The following PAN3 variants were observed in gnomAD, a reference collection of about 807,000 sequenced individuals.
PAN3 encodes the protein poly(A) specific ribonuclease subunit PAN3.
A neutral mutation model predicts 96.2 loss-of-function variants in PAN3; 19 were observed. That is an observed-to-expected ratio of 0.20 (90% confidence interval 0.14 to 0.29). The LOEUF (loss-of-function observed/expected upper bound fraction) is 0.29. PAN3 is among the 10% of genes least tolerant of loss of function. The pLI is 1.00. For missense variants in PAN3, 882 were observed against 1,108.1 expected (o/e 0.80, Z 2.90); for synonymous variants, 433 against 406.6 (o/e 1.06, Z -0.78).
chr13:28,213,078 C>T (rs768631018), intron 5 of PAN3, among the ~76,000 whole-genome samples: 51 of 151,926 alleles, frequency 3.4e-4, no homozygotes, highest in Non-Finnish European at 6.5e-4. Context: ...ATTGGCTTTC[C>T]GTATCCATGG....
At chr13:28,242,161 T>C (rs1240793393) in intron 6 of PAN3, among the ~76,000 whole-genome samples, 2 of 152,218 alleles carry the variant, frequency 1.3e-5, no homozygotes, top group African/African-American at 4.8e-5. Context: ...GTGGGTTGTT[T>C]CATGTTTGCT....
intron 8 of PAN3, among the ~76,000 whole-genome samples, chr13:28,261,175 G>A (rs942589966): frequency 2.0e-5 from 3 of 152,126 alleles, no homozygotes; most frequent in Non-Finnish European, 4.4e-5. Context: ...CGTGTTTAAG[G>A]GGCACATCTA....
chr13:28,218,909 A>G (rs892736701), intron 5 of PAN3, among the ~76,000 whole-genome samples: 1 of 152,170 alleles, frequency 6.6e-6, no homozygotes, highest in Admixed American at 6.5e-5. Context: ...TTTTATCAAG[A>G]TATCAATGGC....
chr13:28,142,427 A>G (rs940544767), intron 1 of PAN3, among the ~76,000 whole-genome samples: 2 of 151,914 alleles, frequency 1.3e-5, no homozygotes, highest in African/African-American at 4.8e-5. Flanking sequence ...TTGACTTCTC[A>G]AAGTACTGGG....
At chr13:28,195,979 A>T (rs1360793310) in intron 4 of PAN3, among the ~76,000 whole-genome samples, 2 of 151,232 alleles carry the variant, frequency 1.3e-5, no homozygotes, top group African/African-American at 2.4e-5. Flanking sequence ...TTCTCTTTAT[A>T]CTAGAAAACA....
Position 28,220,265 on chromosome 13 carries a change from A to G in PAN3, c.887A>G (p.Lys296Arg). The change falls in exon 6 of 19, where the codon AAA (lysine) becomes AGA (arginine). Residue 296 changes from lysine to arginine, a missense_variant. By Grantham distance (26) the Lys-to-Arg change is conservative. This residue lies in a region of PAN3 where 442 missense variants were observed against 422.8 expected (regional missense o/e 1.05). Transcript: ENST00000380958. ...PNPTASEFIP[K>R]GGSTSRLSNV... ...CCTACTGCAAGCGAGTTTATTCCTA[A>G]AGGAGGATCAACCTCCAGGCTGAGT... 6.2e-7 allele frequency: 1 copy of G among 1,613,680 alleles called. No homozygotes were observed. The highest frequency in any genetic ancestry group is 1.1e-5 in the South Asian group (1 of 91,040).
chr13:28,254,889 A>G (rs1278636799), intron 6 of PAN3, among the ~76,000 whole-genome samples: 1 of 152,136 alleles, frequency 6.6e-6, no homozygotes, highest in Non-Finnish European at 1.5e-5. Flanking sequence ...CTTTGCATGT[A>G]TGTCCTGTGG....
intron 6 of PAN3, among the ~76,000 whole-genome samples, chr13:28,236,276 C>CT (rs1883102564): frequency 6.6e-6 from 1 of 152,102 alleles, no homozygotes; most frequent in South Asian, 2.1e-4. Context: ...TTCCAGTGAG[C>CT]TTTCATATAT....
rs1005775343 is a variant in PAN3, at chr13:28,293,155, C to T, written c.*633C>T. On this transcript the variant is annotated 3_prime_UTR_variant, in exon 19 of 19. Transcript: ENST00000380958. ...ACCAGTGAATTGTTGGATATGAATT[C>T]CCTGTTAGTTGATTTAAATCCTTTC... The T allele has an allele frequency of 6.6e-6, 1 of 152,074 alleles. No homozygotes were observed. Among genetic ancestry groups the T allele is most frequent in the Non-Finnish European group, 1.5e-5 (1 of 68,018 alleles). 9.4% of individuals were successfully genotyped at this position (152,074 alleles called of 1,614,324 possible).
intron 6 of PAN3, among the ~76,000 whole-genome samples, chr13:28,247,333 T>A (rs1053973545): frequency 3.9e-5 from 6 of 152,266 alleles, no homozygotes; most frequent in Admixed American, 3.9e-4. Context: ...ATACTAATCA[T>A]CAATTTCCCG....
chr13:28,194,651 G>A (rs1436906820), intron 4 of PAN3, among the ~76,000 whole-genome samples: 3 of 151,472 alleles, frequency 2.0e-5, no homozygotes, highest in Non-Finnish European at 4.4e-5. Flanking sequence ...TTGTATTTTA[G>A]TAGAGATGGT....
At chr13:28,205,325 C>G (rs747878939) in intron 5 of PAN3, among the ~76,000 whole-genome samples, 1 of 151,982 alleles carries the variant, frequency 6.6e-6, no homozygotes, top group African/African-American at 2.4e-5. Flanking sequence ...GCTGCAGTGG[C>G]CTTTCTGTAA....
intron 4 of PAN3, among the ~76,000 whole-genome samples, chr13:28,192,226 C>G (rs1205129780): frequency 7.2e-5 from 11 of 152,030 alleles, no homozygotes; most frequent in Admixed American, 2.0e-4. Context: ...CCTGCCACCA[C>G]ACCCAGCTAA....
At chr13:28,241,410 C>T (rs1458335510) in intron 6 of PAN3, among the ~76,000 whole-genome samples, 3 of 152,232 alleles carry the variant, frequency 2.0e-5, no homozygotes, top group Middle Eastern at 6.8e-3. Flanking sequence ...ACTTTAATTG[C>T]AATAGTAATT....
rs909825706 is a variant in PAN3, at chr13:28,292,668, G to A, written c.*146G>A. 3 of 644,166 alleles carry A rather than the reference G, an allele frequency of 4.7e-6. 1 individual carries two copies. The highest frequency in any genetic ancestry group is 7.9e-5 in the Admixed American group (2 of 25,390). The allele number at this position is 644,166 out of a possible 1,614,324, so 39.9% of individuals were successfully genotyped here. On this transcript the variant is annotated 3_prime_UTR_variant, in exon 19 of 19. Transcript: ENST00000380958. Reference sequence around the variant, plus strand: ...TGCTTGCACTTCAGTCAGGTACACTGTTACTTGAAAGGAAGAATGTTTCAC... The same window carrying A: ...TGCTTGCACTTCAGTCAGGTACACTATTACTTGAAAGGAAGAATGTTTCAC...
Position 28,292,914 on chromosome 13 carries a change from G to C in PAN3, c.*392G>C. ...AAGGACATTTTTGGGAAGCAATGCT[G>C]GGCAGCGTTTTTGCCATTGAGGGTT... On this transcript the variant is annotated 3_prime_UTR_variant, in exon 19 of 19. Transcript: ENST00000380958. 6.5e-6 allele frequency: 1 copy of C among 154,302 alleles called. No homozygotes were observed. Among genetic ancestry groups the C allele is most frequent in the Non-Finnish European group, 1.4e-5 (1 of 69,284 alleles). The allele number at this position is 154,302 out of a possible 1,614,324, so 9.6% of individuals were successfully genotyped here.
chr13:28,242,551 T>C (rs537097182), intron 6 of PAN3, among the ~76,000 whole-genome samples: 16 of 152,286 alleles, frequency 1.1e-4, no homozygotes, highest in African/African-American at 3.6e-4. Flanking sequence ...TTTTTAGATA[T>C]GGGTGTCAAG....
chr13:28,178,553 A>G (rs946389212), intron 4 of PAN3, among the ~76,000 whole-genome samples: 1 of 152,080 alleles, frequency 6.6e-6, no homozygotes, highest in African/African-American at 2.4e-5. Flanking sequence ...AATCATCTAG[A>G]GAAGATAGTC....
chr13:28,233,595 G>C lies in PAN3; in HGVS notation c.1000+13217G>C, dbSNP rs150797892. ...AAATTAAGACATTCTTATTAGAATT[G>C]TGGCTTATTTTGTTTGGAGGAAAAG... is the stretch of plus-strand genomic sequence containing the variant. On this transcript the variant is annotated intron_variant, in intron 6 of 18. Transcript: ENST00000380958. 1.2e-4 allele frequency among the ~76,000 whole-genome samples: 19 copies of C among 152,284 alleles called. No homozygotes were observed. The East Asian group carries it at 1.5e-3, about 12-fold the overall frequency.
Sources: allele counts gnomAD v4.1 joint callset (sites outside exome capture counted in the v4.1 genomes callset), GRCh38; gene constraint gnomAD v4.1.1; regional missense constraint gnomAD v4.1.1; transcripts MANE v1.5; gene names NCBI Gene and HGNC (gene_info 2026-07-23, HGNC 2026-07-21).